MRRF: variants seen among roughly 807,000 people sequenced by gnomAD.
MRRF encodes the protein ribosome-recycling factor, mitochondrial.
In MRRF, 18 loss-of-function variants were observed where a neutral mutation model predicts 25.1. That is an observed-to-expected ratio of 0.72 (90% CI 0.50 to 1.06). The LOEUF is 1.06. MRRF is among the 50% of genes least tolerant of loss of function. The pLI is 0.00. For missense variants in MRRF, 323 were observed against 319.3 expected (o/e 1.01, Z -0.09); for synonymous variants, 113 against 112.1 (o/e 1.01, Z -0.05).
rs1442082311 is a variant in MRRF, at chr9:122,319,683, A to C, written c.712-2857A>C. ...TTATAGGGATTGTGTGCAATAATGC[A>C]TGTGAAGTTTTAGGCAAGTGTCTGA... On this transcript the variant is annotated intron_variant, in intron 6 of 6. Coordinates refer to ENST00000344641, the MANE Select transcript of MRRF (RefSeq NM_138777.5). 2.6e-5 allele frequency among the ~76,000 whole-genome samples: 4 copies of C among 152,110 alleles called. No individual in the cohort carries two copies. In the East Asian group the frequency reaches 5.8e-4, roughly 22 times the overall value.
chr9:122,307,126 A>G (rs1258814678), intron 5 of MRRF, among the ~76,000 whole-genome samples: 3 of 152,086 alleles, frequency 2.0e-5, no homozygotes, highest in Non-Finnish European at 4.4e-5. Context: ...AAACAAAAAC[A>G]TTTCCGTCAG....
At chr9:122,291,716 C>G (rs768722485) in intron 4 of MRRF, 33 bp from the exon 5 acceptor site, 4 of 1,456,008 alleles carry the variant, frequency 2.7e-6, no homozygotes, top group Admixed American at 3.3e-5. Flanking sequence ...TAATTATTTA[C>G]TAATTCTGTT....
In MRRF at chr9:122,329,086, C is replaced by T. The variant is rs1026912802; in HGVS notation, c.*6469C>T. On this transcript the variant is annotated 3_prime_UTR_variant, in exon 7 of 7. Transcript: ENST00000344641. ...CTTCTCTCAGAAACCTTCATTGGTT[C>T]CCTGTTGCCTGCTGAATTATGTAAA... 1 of 152,220 alleles carries T rather than the reference C, an allele frequency of 6.6e-6. No individual in the cohort carries two copies. Among genetic ancestry groups the T allele is most frequent in the Non-Finnish European group, 1.5e-5 (1 of 68,058 alleles). The allele number at this position is 152,220 out of a possible 1,614,324, so 9.4% of individuals were successfully genotyped here.
chr9:122,296,518 TAGA>T (rs1464371701), intron 5 of MRRF, among the ~76,000 whole-genome samples: 3 of 152,188 alleles, frequency 2.0e-5, no homozygotes, highest in Admixed American at 6.6e-5. Flanking sequence ...CTGAAGCTCA[TAGA>T]AGTTGATGCC....
intron 3 of MRRF, among the ~76,000 whole-genome samples, chr9:122,284,467 G>T (rs918950083): frequency 3.3e-5 from 5 of 152,156 alleles, no homozygotes; most frequent in Non-Finnish European, 5.9e-5. Flanking sequence ...ATCCTCTAAG[G>T]TAGTTATTTT....
intron 4 of MRRF, among the ~76,000 whole-genome samples, chr9:122,288,509 A>G (rs1833553208): frequency 6.6e-6 from 1 of 152,226 alleles, no homozygotes; most frequent in African/African-American, 2.4e-5. Flanking sequence ...TCTCTGTTGG[A>G]TGTGAAAAAG....
intron 5 of MRRF, among the ~76,000 whole-genome samples, chr9:122,297,799 C>T (rs1036966144): frequency 3.3e-5 from 5 of 152,166 alleles, no homozygotes; most frequent in Non-Finnish European, 2.9e-5. Context: ...TTCTTAGAGA[C>T]ATGGACATTT....
intron 3 of MRRF, among the ~76,000 whole-genome samples, chr9:122,284,720 TC>T (rs1260490206): frequency 6.6e-6 from 1 of 152,228 alleles, no homozygotes; most frequent in Non-Finnish European, 1.5e-5. Context: ...ATACTGCTGT[TC>T]CTGTGAAAGC....
intron 5 of MRRF, among the ~76,000 whole-genome samples, chr9:122,308,224 G>A (rs963479345): frequency 1.3e-5 from 2 of 152,082 alleles, no homozygotes; most frequent in African/African-American, 2.4e-5. Context: ...CAACAGGGTG[G>A]GTCCTGAGCT....
Position 122,323,357 on chromosome 9 carries a change from G to A in MRRF, c.*740G>A, listed in dbSNP as rs1170343266. 1 of 152,800 alleles carries A rather than the reference G, an allele frequency of 6.5e-6. No individual in the cohort carries two copies. The highest frequency in any genetic ancestry group is 1.5e-5 in the Non-Finnish European group (1 of 68,520). 9.5% of individuals were successfully genotyped at this position (152,800 alleles called of 1,614,324 possible). ...TGTACGAATTCTAAGTATTCTTGTT[G>A]CACTTAATTAGCCTGTATATCCTCA... On this transcript the variant is annotated 3_prime_UTR_variant, in exon 7 of 7. Coordinates refer to ENST00000344641, the MANE Select transcript of MRRF (RefSeq NM_138777.5).
At chr9:122,265,895 G>T in intron 1 of MRRF, 1 of 508,402 alleles carries the variant, frequency 2.0e-6, no homozygotes, top group Admixed American at 2.5e-5. Flanking sequence ...TCTGTGTATA[G>T]TCAGATACTA....
intron 2 of MRRF, 35 bp from the exon 3 acceptor site, chr9:122,280,408 G>C (rs894342795): frequency 2.5e-6 from 4 of 1,612,908 alleles, no homozygotes; most frequent in Non-Finnish European, 2.5e-6. Flanking sequence ...TGTTTATGCT[G>C]CTGTTGTTTT....
At chr9:122,265,836 C>A in intron 1 of MRRF, 1 of 1,039,686 alleles carries the variant, frequency 9.6e-7, no homozygotes. Context: ...CTTTCTCTAC[C>A]TGTTAAAGTG....
At chr9:122,310,615 A>T (rs1251134550) in intron 5 of MRRF, among the ~76,000 whole-genome samples, 1 of 152,244 alleles carries the variant, frequency 6.6e-6, no homozygotes, top group Non-Finnish European at 1.5e-5. Flanking sequence ...GTAGTGGCTG[A>T]CAAGTTTGTC....
In MRRF at chr9:122,313,390, C is replaced by T. The variant is rs753907096; in HGVS notation, c.711+4C>T. On this transcript the variant is annotated splice_donor_region_variant and intron_variant, in intron 6 of 6. Transcript: ENST00000344641. ...CATTAGGCTAATAGAGAAACAGGTA[C>T]TATTGCCAGCAATGTAGTAGTGTCT... 3.8e-5 allele frequency: 61 copies of T among 1,613,680 alleles called. 1 individual carries two copies. Among genetic ancestry groups the T allele is most frequent in the Admixed American group, 1.0e-4 (6 of 60,030 alleles).
chr9:122,316,760 C>T (rs1288776509), intron 6 of MRRF, among the ~76,000 whole-genome samples: 2 of 151,750 alleles, frequency 1.3e-5, no homozygotes, highest in Non-Finnish European at 2.9e-5. Flanking sequence ...TCATCCTCCC[C>T]TCCCACATTG....
rs1346337384 is a variant in MRRF, at chr9:122,328,013, A to T, written c.*5396A>T. ...TAGACAGGGTCTTGCTCTGTCACTCAGGCTGGATTTCAGTGGCATGATCTC... is the reference window on the plus strand; with the variant it reads ...TAGACAGGGTCTTGCTCTGTCACTCTGGCTGGATTTCAGTGGCATGATCTC... On this transcript the variant is annotated 3_prime_UTR_variant, in exon 7 of 7. Transcript: ENST00000344641. 6.6e-6 allele frequency: 1 copy of T among 151,768 alleles called. No individual in the cohort carries two copies. Among genetic ancestry groups the T allele is most frequent in the South Asian group, 2.1e-4 (1 of 4,808 alleles). The allele number at this position is 151,768 out of a possible 1,614,324, so 9.4% of individuals were successfully genotyped here.
chr9:122,280,795 G>A (rs964576193), intron 3 of MRRF, among the ~76,000 whole-genome samples, 197 bp downstream of exon 3: 2 of 152,108 alleles, frequency 1.3e-5, no homozygotes, highest in African/African-American at 2.4e-5. Context: ...ATGAGGTAAC[G>A]TATTATGGTT....
chr9:122,317,088 A>ATATATATATATATATAT, intron 6 of MRRF, among the ~76,000 whole-genome samples: 1 of 150,602 alleles, frequency 6.6e-6, no homozygotes, highest in Non-Finnish European at 1.5e-5. Context: ...ATATATATAT[A>ATATATATATATATATAT]AATCTTTGTT....
Sources: gnomAD v4.1 joint callset for allele counts (sites outside exome capture counted in the v4.1 genomes callset) on GRCh38, gnomAD v4.1.1 for gene constraint, MANE v1.5 for transcripts, NCBI Gene and HGNC (gene_info 2026-07-23, HGNC 2026-07-21) for gene names.